Variants in KIFAP3 observed in about 807,000 individuals in gnomAD.
The protein encoded by KIFAP3 is kinesin-associated protein 3.
A neutral mutation model predicts 106.5 loss-of-function variants in KIFAP3; 68 were observed. The observed-to-expected ratio is 0.64, with a 90% CI of 0.53 to 0.78. The LOEUF (loss-of-function observed/expected upper bound fraction) is 0.78, where lower values mean the gene tolerates loss of function less well. Among genes scored for constraint, KIFAP3 ranks in the 30% least tolerant of loss-of-function variants. KIFAP3 has a pLI of 0.00. For synonymous variants in KIFAP3, 320 were observed against 311.5 expected, an observed-to-expected ratio of 1.03 and a Z score of -0.29; for missense variants, 780 against 941.8, an observed-to-expected ratio of 0.83 and a Z score of 2.25.
At chr1:169,984,025 A>G (rs1666660917) in intron 12 of KIFAP3, among the ~76,000 whole-genome samples, 1 of 151,904 alleles carries the variant, frequency 6.6e-6, no homozygotes. Flanking sequence ...GTATCATGAT[A>G]TATAGACAAT....
At chr1:170,039,970 G>A (rs984989124) in intron 3 of KIFAP3, among the ~76,000 whole-genome samples, 2 of 151,926 alleles carry the variant, frequency 1.3e-5, no homozygotes, top group Admixed American at 6.6e-5. Context: ...ATACTTTATG[G>A]ATCTGGATCA....
chr1:170,081,105 T>C (rs1672013323), intron 1 of KIFAP3, among the ~76,000 whole-genome samples: 1 of 152,136 alleles, frequency 6.6e-6, no homozygotes, highest in African/African-American at 2.4e-5. Context: ...CATTAAGAAA[T>C]GAAATGGTAA....
intron 19 of KIFAP3, among the ~76,000 whole-genome samples, chr1:169,947,822 A>G (rs1429596414): frequency 6.6e-6 from 1 of 151,852 alleles, no homozygotes. Context: ...GAGGAAAATT[A>G]AAAGTTCACT....
chr1:169,964,448 C>A (rs1044790652), intron 17 of KIFAP3, among the ~76,000 whole-genome samples: 11 of 152,060 alleles, frequency 7.2e-5, no homozygotes, highest in Non-Finnish European at 2.9e-5. Flanking sequence ...AGAATGGATT[C>A]TTTATTGAAT....
intron 10 of KIFAP3, among the ~76,000 whole-genome samples, chr1:170,002,403 C>G (rs903949842): frequency 1.3e-5 from 2 of 152,284 alleles, no homozygotes; most frequent in African/African-American, 2.4e-5. Flanking sequence ...ACATTACTGA[C>G]TAAAAATTAG....
intron 9 of KIFAP3, among the ~76,000 whole-genome samples, chr1:170,019,021 A>G (rs1057454185): frequency 2.6e-5 from 4 of 152,204 alleles, no homozygotes; most frequent in Non-Finnish European, 4.4e-5. Context: ...TCAGAAATAA[A>G]ACAGAGAAAA....
intron 3 of KIFAP3, among the ~76,000 whole-genome samples, chr1:170,040,425 T>C (rs1441602250): frequency 6.6e-6 from 1 of 152,186 alleles, no homozygotes; most frequent in Non-Finnish European, 1.5e-5. Flanking sequence ...TTTATCCATG[T>C]ATGATGACAT....
intron 11 of KIFAP3, 59 bp downstream of exon 11, chr1:169,992,096 A>T (rs1667135100): frequency 1.3e-6 from 1 of 761,242 alleles, no homozygotes; most frequent in Non-Finnish European, 1.9e-6. Flanking sequence ...ATCAAGAGAA[A>T]AGAGTAAAAA....
chr1:169,972,657 C>G (rs535790451), intron 16 of KIFAP3, 59 bp from the exon 17 acceptor site: 3 of 752,540 alleles, frequency 4.0e-6, no homozygotes, highest in Non-Finnish European at 6.5e-6. Context: ...GTCAATAATA[C>G]TACAAAAATC....
At chr1:169,955,550 G>A (rs1664966070) in intron 18 of KIFAP3, among the ~76,000 whole-genome samples, 2 of 151,988 alleles carry the variant, frequency 1.3e-5, no homozygotes, top group African/African-American at 4.8e-5. Flanking sequence ...TGAGGAGTAA[G>A]GGTCTAAAAA....
At position 169,954,847 on chromosome 1, in the gene KIFAP3, C is replaced by T. The variant is rs1331845012; in HGVS notation, c.2174-737G>A. On this transcript the variant is annotated intron_variant, in intron 18 of 19. Transcript: ENST00000361580. Reference sequence around the variant, plus strand: ...ATACTAGTATGCTTATTATTCTTTGCTTATAAAGTGCTTCTTTCCCTAAAT... The same window carrying T: ...ATACTAGTATGCTTATTATTCTTTGTTTATAAAGTGCTTCTTTCCCTAAAT... Among the ~76,000 whole-genome samples the T allele has an allele frequency of 2.6e-5, 4 of 152,110 alleles. No individual in the cohort carries two copies. The East Asian group carries it at 7.7e-4, about 29-fold the overall frequency.
intron 1 of KIFAP3, among the ~76,000 whole-genome samples, chr1:170,070,448 A>G (rs1199841905): frequency 2.0e-5 from 3 of 152,170 alleles, no homozygotes; most frequent in African/African-American, 7.2e-5. Flanking sequence ...GCACACGGAC[A>G]GATAGATCAA....
At chr1:170,031,573 T>C (rs1669413263) in intron 8 of KIFAP3, among the ~76,000 whole-genome samples, 1 of 151,764 alleles carries the variant, frequency 6.6e-6, no homozygotes, top group African/African-American at 2.4e-5. Flanking sequence ...TAATTCACTT[T>C]ATAAAACAAG....
chr1:169,978,032 T>C (rs1045780585), intron 16 of KIFAP3, 53 bp downstream of exon 16: 4 of 1,123,272 alleles, frequency 3.6e-6, no homozygotes, highest in Middle Eastern at 4.0e-4. Flanking sequence ...CAAAGATGCA[T>C]CTTTTCTGAA....
intron 16 of KIFAP3, among the ~76,000 whole-genome samples, chr1:169,975,484 G>T (rs916348340): frequency 6.6e-6 from 1 of 151,934 alleles, no homozygotes; most frequent in Non-Finnish European, 1.5e-5. Flanking sequence ...AATGCTAAAG[G>T]TTATGGTGAA....
At chr1:170,042,421 T>C (rs1026622453) in intron 3 of KIFAP3, among the ~76,000 whole-genome samples, 1 of 152,204 alleles carries the variant, frequency 6.6e-6, no homozygotes, top group Non-Finnish European at 1.5e-5. Context: ...GTGTGAAATC[T>C]GGCTGAGCAA....
At chr1:170,083,187 C>A (rs543204993) in intron 1 of KIFAP3, among the ~76,000 whole-genome samples, 1 of 151,996 alleles carries the variant, frequency 6.6e-6, no homozygotes, top group South Asian at 2.1e-4. Context: ...TGGAAAACAT[C>A]CTGAGTTAAT....
At chr1:170,021,740 C>G (rs571210538) in intron 9 of KIFAP3, among the ~76,000 whole-genome samples, 1 of 151,360 alleles carries the variant, frequency 6.6e-6, no homozygotes, top group African/African-American at 2.4e-5. Flanking sequence ...ACACCCAGCC[C>G]GTTATTAATT....
At chr1:170,015,308 G>A (rs1668447647) in intron 10 of KIFAP3, among the ~76,000 whole-genome samples, 3 of 152,108 alleles carry the variant, frequency 2.0e-5, no homozygotes, top group Admixed American at 1.3e-4. Context: ...GACCTAATAG[G>A]TGACACATAA....
Sources: gnomAD v4.1 joint callset for allele counts (sites outside exome capture counted in the v4.1 genomes callset) on GRCh38, gnomAD v4.1.1 for gene constraint, MANE v1.5 for transcripts, NCBI Gene and HGNC (gene_info 2026-07-23, HGNC 2026-07-21) for gene names.